SLC52A3: variants seen among roughly 807,000 people sequenced by gnomAD.
SLC52A3 encodes the protein solute carrier family 52, riboflavin transporter, member 3.
Under a neutral mutation model 29.5 loss-of-function variants are expected in SLC52A3, and 20 were observed. The observed-to-expected ratio is 0.68, with a 90% CI of 0.48 to 0.99. SLC52A3 has a LOEUF of 0.99. Among genes scored for constraint, SLC52A3 ranks in the 50% least tolerant of loss-of-function variants. The pLI is 0.00. For missense variants in SLC52A3, 548 were observed against 612.9 expected, an observed-to-expected ratio of 0.89 and a Z score of 1.12; for synonymous variants, 301 against 271.0, an observed-to-expected ratio of 1.11 and a Z score of -1.09.
At chr20:766,512 C>A (rs2180464) in intron 1 of SLC52A3, among the ~76,000 whole-genome samples, 41,020 of 152,080 alleles carry the variant, frequency 0.27, 6,044 homozygotes, top group South Asian at 0.36. Flanking sequence ...TGAAAATGGC[C>A]GGTTCCTGCC....
upstream of SLC52A3, among the ~76,000 whole-genome samples, chr20:776,819 G>C (rs1275916245): frequency 6.6e-6 from 1 of 151,166 alleles, no homozygotes; most frequent in African/African-American, 2.4e-5. Flanking sequence ...GAAATCATAG[G>C]GGGTTGAAGC....
rs1599956029 is a variant in SLC52A3 at position 761,427 on chromosome 20, G to A, written c.1198-189C>T. On this transcript the variant is annotated intron_variant, in intron 4 of 4. Coordinates refer to ENST00000645534, the MANE Select transcript of SLC52A3 (RefSeq NM_033409.4). ...CCGCCCGGGGGCGAAGGAGAATCCAGTGGCTTTTCTGGGTTCACGTGCCCA... is the reference window on the plus strand; with the variant it reads ...CCGCCCGGGGGCGAAGGAGAATCCAATGGCTTTTCTGGGTTCACGTGCCCA... The A allele has an allele frequency of 6.4e-6, 5 of 775,384 alleles. No homozygotes were observed. The East Asian group carries it at 1.3e-4, about 21-fold the overall frequency. The allele number at this position is 775,384 out of a possible 1,614,324, so 48.0% of individuals were successfully genotyped here. A position where few individuals can be genotyped will look rare whatever the true frequency, so the allele number is the denominator to read the frequency against.
chr20:763,374 C>G (rs1986552372), intron 3 of SLC52A3, 124 bp downstream of exon 3: 2 of 1,309,564 alleles, frequency 1.5e-6, no homozygotes, highest in Non-Finnish European at 1.1e-6. Context: ...GGATTTGGAC[C>G]AGGGTGCTCC....
intron 1 of SLC52A3, chr20:766,196 A>G (rs113334806): frequency 0.011 from 1,309 of 115,424 alleles, 17 homozygotes; most frequent in African/African-American, 0.031. Context: ...CGGCCTCCCA[A>G]AGTGCTGGGA....
At chr20:774,743 G>A (rs1303800290) in intron 1 of SLC52A3, among the ~76,000 whole-genome samples, 1 of 152,188 alleles carries the variant, frequency 6.6e-6, no homozygotes, top group Non-Finnish European at 1.5e-5. Context: ...TTGTTGCTGG[G>A]ACCTCAGAGT....
Position 765,272 on chromosome 20 carries a change from T to G in SLC52A3, c.503A>C (p.Asn168Thr). 6.2e-7 allele frequency: 1 copy of G among 1,614,118 alleles called. No homozygotes were observed. The highest frequency in any genetic ancestry group is 8.5e-7 in the Non-Finnish European group (1 of 1,180,012). The part of the protein sequence containing the change: ...AQGSGLTTCV[N>T]VTEISDSVPS... ...TACGCTGTCTGATATCTCAGTGACA[T>G]TGACGCAGGTAGTGAGACCGGAGCC... The change falls in exon 2 of 5, where the codon AAT becomes ACT. Residue 168 changes from asparagine (N) to threonine (T), a missense_variant. Transcript: ENST00000645534. The surrounding 1 kb of genome is among the most constrained non-coding windows in gnomAD (Gnocchi z 6.6).
chr20:776,989 A>T (rs575401910), upstream of SLC52A3, among the ~76,000 whole-genome samples: 1 of 152,020 alleles, frequency 6.6e-6, no homozygotes, highest in African/African-American at 2.4e-5. Context: ...TAATCCCAGC[A>T]CTTTGGGAGG....
chr20:770,190 T>G (rs1182904303), upstream of SLC52A3, among the ~76,000 whole-genome samples: 1 of 151,596 alleles, frequency 6.6e-6, no homozygotes, highest in African/African-American at 2.4e-5. This position sits in a 1 kb window ranked among gnomAD's most constrained non-coding sequence, Gnocchi z 4.5. Context: ...AGAGTCTTAC[T>G]GTGTAGCCCA....
At chr20:769,032 G>T (rs1986773095), upstream of SLC52A3, among the ~76,000 whole-genome samples, 1 of 152,216 alleles carries the variant, frequency 6.6e-6, no homozygotes, top group Non-Finnish European at 1.5e-5. Context: ...GTGGGTGCAT[G>T]CAGGCACATA....
chr20:773,088 G>A (rs1206476241), upstream of SLC52A3, among the ~76,000 whole-genome samples: 1 of 152,206 alleles, frequency 6.6e-6, no homozygotes, highest in Non-Finnish European at 1.5e-5. Context: ...AAAAAGCTCC[G>A]TGAGTGGGCA....
At chr20:769,901 A>G (rs1003147995), upstream of SLC52A3, among the ~76,000 whole-genome samples, 3 of 152,036 alleles carry the variant, frequency 2.0e-5, no homozygotes, top group Non-Finnish European at 4.4e-5. Context: ...CATCTTAAAA[A>G]AGAAAAAATA....
chr20:774,624 G>A (rs977075434), intron 1 of SLC52A3, among the ~76,000 whole-genome samples: 2 of 152,190 alleles, frequency 1.3e-5, no homozygotes, highest in Non-Finnish European at 2.9e-5. Context: ...GCGGCTGAGA[G>A]GGAGGCAGGG....
chr20:765,135 G>C lies in SLC52A3; in HGVS notation c.567+73C>G. The C allele has an allele frequency of 2.1e-5, 32 of 1,535,624 alleles. No homozygotes were observed. Among genetic ancestry groups the C allele is most frequent in the Non-Finnish European group, 2.7e-5 (30 of 1,111,222 alleles). ...GACCAAAGAACCTAGAAGGATGGAGGTGAGCAGTTTTTCCCTCCCCTACAT... is the reference window on the plus strand; with the variant it reads ...GACCAAAGAACCTAGAAGGATGGAGCTGAGCAGTTTTTCCCTCCCCTACAT... On this transcript the variant is annotated intron_variant, in intron 2 of 4. Coordinates refer to ENST00000645534, the MANE Select transcript of SLC52A3 (RefSeq NM_033409.4). The surrounding 1 kb of genome is among the most constrained non-coding windows in gnomAD (Gnocchi z 6.6).
chr20:766,155 G>A (rs1471061997), intron 1 of SLC52A3: 7 of 248,876 alleles, frequency 2.8e-5, no homozygotes, highest in African/African-American at 4.5e-5. Context: ...GGCTGGTCTC[G>A]AACTCCTGGC....
Position 765,850 on chromosome 20 carries a change from G to A in SLC52A3, c.-51-25C>T, listed in dbSNP as rs1407109625. The A allele has an allele frequency of 3.5e-6, 5 of 1,422,940 alleles. No individual in the cohort carries two copies. The highest frequency in any genetic ancestry group is 2.0e-4 in the Middle Eastern group (1 of 4,978). 88.1% of individuals were successfully genotyped at this position (1,422,940 alleles called of 1,614,324 possible). A position where few individuals can be genotyped will look rare whatever the true frequency, so the allele number is the denominator to read the frequency against. ...GCTGGCAGAGAAGGACACCAGGTGA[G>A]TAATTCCAGCTTCACCACCTAGCAA... On this transcript the variant is annotated intron_variant, in intron 1 of 4. Transcript: ENST00000645534. The surrounding 1 kb of genome is among the most constrained non-coding windows in gnomAD (Gnocchi z 6.6).
At chr20:770,563 T>A (rs1342867869), upstream of SLC52A3, among the ~76,000 whole-genome samples, 2 of 152,212 alleles carry the variant, frequency 1.3e-5, no homozygotes, top group Non-Finnish European at 2.9e-5. This position sits in a 1 kb window ranked among gnomAD's most constrained non-coding sequence, Gnocchi z 4.5. Flanking sequence ...AAAAACTGGA[T>A]TCATCAAACG....
chr20:761,080 G>T lies in SLC52A3; in HGVS notation c.1356C>A (p.Asn452Lys), dbSNP rs773933101. 2.5e-6 allele frequency: 4 copies of T among 1,609,950 alleles called. No individual in the cohort carries two copies. The East Asian group carries it at 6.7e-5, about 27-fold the overall frequency. ...CCGCGGACGAGAAGAGCCGCAGCACGTTGACCAGAGGGAACATGAGCAGCG... is the reference window on the plus strand; with the variant it reads ...CCGCGGACGAGAAGAGCCGCAGCACTTTGACCAGAGGGAACATGAGCAGCG... ...LGALLMFPLV[N>K]VLRLFSSADF... The change falls in exon 5 of 5, where the codon AAC (asparagine) becomes AAA (lysine). Residue 452 changes from asparagine (N) to lysine (K), a missense_variant. Around this residue, in one of 2 missense-constraint regions of SLC52A3, gnomAD observed 173 missense variants for 141.8 expected, o/e 1.22. Coordinates refer to ENST00000645534, the MANE Select transcript of SLC52A3 (RefSeq NM_033409.4).
At chr20:775,237 T>C (rs924150727) in intron 1 of SLC52A3, among the ~76,000 whole-genome samples, 3 of 150,788 alleles carry the variant, frequency 2.0e-5, no homozygotes, top group African/African-American at 4.9e-5. Context: ...AGCATGGAGA[T>C]GGCCCTGGGT....
At chr20:761,265 A>T (rs1028691840) in intron 4 of SLC52A3, 27 bp from the exon 5 acceptor site, 7 of 1,538,552 alleles carry the variant, frequency 4.5e-6, no homozygotes, top group Non-Finnish European at 6.1e-6. Flanking sequence ...GAAGAGGTGC[A>T]GAGTCACGGG....
Sources: gnomAD v4.1 joint callset for allele counts (sites outside exome capture counted in the v4.1 genomes callset) on GRCh38, gnomAD v4.1.1 for gene constraint, gnomAD v4.1.1 regional missense constraint, Gnocchi (gnomAD v3.1) non-coding constraint, MANE v1.5 for transcripts, NCBI Gene and HGNC (gene_info 2026-07-23, HGNC 2026-07-21) for gene names.